Variants in SMYD3 observed in about 807,000 individuals in gnomAD.
SMYD3 encodes histone-lysine N-methyltransferase SMYD3.
A neutral mutation model predicts 57.7 loss-of-function variants in SMYD3; 36 were observed. The observed-to-expected ratio is 0.62, with a 90% CI of 0.48 to 0.82. SMYD3 has a LOEUF of 0.82. Ranked by LOEUF, SMYD3 falls within the 40% of genes least tolerant of loss-of-function variation. SMYD3 has a pLI of 0.00. For synonymous variants in SMYD3, 211 were observed against 195.0 expected, an observed-to-expected ratio of 1.08 and a Z score of -0.68; for missense variants, 515 against 538.8, an observed-to-expected ratio of 0.96 and a Z score of 0.44.
At chr1:246,022,516 T>A (rs2059489998) in intron 5 of SMYD3, among the ~76,000 whole-genome samples, 1 of 152,208 alleles carries the variant, frequency 6.6e-6, no homozygotes, top group South Asian at 2.1e-4. Context: ...TTTCCTCGTC[T>A]GTATATAAAG....
chr1:246,411,090 C>T (rs2066960374), intron 1 of SMYD3, among the ~76,000 whole-genome samples: 1 of 151,936 alleles, frequency 6.6e-6, no homozygotes, highest in Non-Finnish European at 1.5e-5. Flanking sequence ...AGCAGTCTAT[C>T]AATTTTGTTG....
intron 8 of SMYD3, among the ~76,000 whole-genome samples, chr1:245,871,823 T>TCAATCCCCACC (rs1663752703): frequency 6.6e-6 from 1 of 152,162 alleles, no homozygotes; most frequent in South Asian, 2.1e-4. Flanking sequence ...GCCTGAGTTT[T>TCAATCCCCACC]CAATCCCCAC....
intron 5 of SMYD3, among the ~76,000 whole-genome samples, chr1:245,968,807 G>A (rs553435230): frequency 2.6e-5 from 4 of 152,198 alleles, no homozygotes; most frequent in East Asian, 1.9e-4. Flanking sequence ...CGTCTTTCCC[G>A]CGTTGTAAAT....
At chr1:246,386,696 C>G (rs1479315410) in intron 1 of SMYD3, among the ~76,000 whole-genome samples, 4 of 151,386 alleles carry the variant, frequency 2.6e-5, no homozygotes, top group Non-Finnish European at 5.9e-5. Context: ...CATATAAGAA[C>G]TGAGACTGAC....
At chr1:246,106,963 A>G (rs1369977825) in intron 5 of SMYD3, among the ~76,000 whole-genome samples, 1 of 152,194 alleles carries the variant, frequency 6.6e-6, no homozygotes, top group African/African-American at 2.4e-5. Flanking sequence ...ACGTGAAAAA[A>G]GAGAAAGTAA....
intron 7 of SMYD3, 86 bp downstream of exon 7, chr1:245,927,845 A>C (rs2056476845): frequency 9.9e-7 from 1 of 1,007,450 alleles, no homozygotes; most frequent in East Asian, 2.6e-5. Flanking sequence ...TTGTCCCCTC[A>C]GGCACAATCA....
chr1:246,255,818 A>C (rs1380049827), intron 5 of SMYD3, among the ~76,000 whole-genome samples: 2 of 150,294 alleles, frequency 1.3e-5, no homozygotes, highest in African/African-American at 4.9e-5. Flanking sequence ...TTACTGATTC[A>C]ATGTCAGAAC....
chr1:246,446,870 A>G (rs1291578489), intron 1 of SMYD3, among the ~76,000 whole-genome samples: 3 of 152,128 alleles, frequency 2.0e-5, no homozygotes, highest in East Asian at 3.9e-4. Context: ...TCTACTAAAG[A>G]TACAAAAAAT....
chr1:246,003,344 T>A (rs1558574967), intron 5 of SMYD3, among the ~76,000 whole-genome samples: 2 of 152,232 alleles, frequency 1.3e-5, no homozygotes, highest in Non-Finnish European at 2.9e-5. Context: ...GGTGGAGCGG[T>A]GGGACTTATC....
intron 1 of SMYD3, among the ~76,000 whole-genome samples, chr1:246,408,164 C>T (rs923619097): frequency 5.3e-5 from 8 of 152,064 alleles, no homozygotes; most frequent in Non-Finnish European, 8.8e-5. Flanking sequence ...TAAGATCACA[C>T]AGCATATAAA....
intron 1 of SMYD3, among the ~76,000 whole-genome samples, chr1:246,463,681 A>AAC (rs1309781076): frequency 3.3e-5 from 5 of 149,324 alleles, no homozygotes; most frequent in Non-Finnish European, 7.4e-5. Flanking sequence ...AAAAAAAAAA[A>AAC]AAACATTAGC....
At chr1:245,871,298 A>C (rs1234037369) in intron 8 of SMYD3, among the ~76,000 whole-genome samples, 1 of 152,226 alleles carries the variant, frequency 6.6e-6, no homozygotes, top group East Asian at 1.9e-4. Context: ...AATATACAAC[A>C]TCATTCAAAA....
chr1:246,088,580 A>G (rs71638313), intron 5 of SMYD3, among the ~76,000 whole-genome samples: 10,991 of 125,146 alleles, frequency 0.088, 610 homozygotes, highest in African/African-American at 0.16. Flanking sequence ...ACTGCACTCC[A>G]GCCTGGGCGA....
intron 5 of SMYD3, among the ~76,000 whole-genome samples, chr1:245,984,045 G>A (rs1218281481): frequency 6.7e-6 from 1 of 149,406 alleles, no homozygotes; most frequent in African/African-American, 2.5e-5. Flanking sequence ...TGTTGCCCAG[G>A]CTGGAGTGCA....
At chr1:245,990,474 G>C (rs1413282907) in intron 5 of SMYD3, among the ~76,000 whole-genome samples, 16 of 152,166 alleles carry the variant, frequency 1.1e-4, no homozygotes, top group Admixed American at 7.2e-4. Flanking sequence ...TCTCGACCTT[G>C]AATAAAATTT....
chr1:246,056,607 G>A (rs747999024), intron 5 of SMYD3, among the ~76,000 whole-genome samples: 3 of 151,858 alleles, frequency 2.0e-5, no homozygotes, highest in Non-Finnish European at 2.9e-5. Context: ...AATAACAAGA[G>A]GCAAAGCCAT....
At chr1:245,821,153 A>G (rs973620619) in intron 10 of SMYD3, among the ~76,000 whole-genome samples, 2 of 150,098 alleles carry the variant, frequency 1.3e-5, no homozygotes, top group Non-Finnish European at 3.0e-5. Flanking sequence ...ACTATACTAC[A>G]AGGCTACAGT....
intron 8 of SMYD3, 73 bp from the exon 9 acceptor site, chr1:245,863,959 C>A: frequency 2.2e-6 from 3 of 1,377,442 alleles, no homozygotes; most frequent in South Asian, 1.2e-5. Context: ...ACCTTTCTCC[C>A]AGATATACAA....
At chr1:245,957,453 T>C (rs550808585) in intron 5 of SMYD3, among the ~76,000 whole-genome samples, 1 of 152,348 alleles carries the variant, frequency 6.6e-6, no homozygotes, top group East Asian at 1.9e-4. Flanking sequence ...AATTAAAATG[T>C]GGCCAGTCCT....
Sources: gnomAD v4.1 joint callset for allele counts (sites outside exome capture counted in the v4.1 genomes callset) on GRCh38, gnomAD v4.1.1 for gene constraint, MANE v1.5 for transcripts, NCBI Gene and HGNC (gene_info 2026-07-23, HGNC 2026-07-21) for gene names.